GPATCH11: variants seen among roughly 807,000 people sequenced by gnomAD.
The protein encoded by GPATCH11 is G patch domain-containing protein 11.
GPATCH11 carries 32 observed loss-of-function variants against 44.8 expected under a neutral mutation model. The ratio of observed to expected loss-of-function variants is 0.71; its 90% confidence interval spans 0.54 to 0.96. The LOEUF is 0.96. Among genes scored for constraint, GPATCH11 ranks in the 40% least tolerant of loss-of-function variants. The pLI is 0.00. For missense variants in GPATCH11, 324 were observed against 303.1 expected (o/e 1.07, Z -0.51); for synonymous variants, 84 against 94.4 (o/e 0.89, Z 0.64).
At chr2:37,087,106 A>T (rs1227085717) in intron 1 of GPATCH11, among the ~76,000 whole-genome samples, 1 of 152,176 alleles carries the variant, frequency 6.6e-6, no homozygotes, top group African/African-American at 2.4e-5. Context: ...CACCCATAAA[A>T]GACCTTCTTT....
In GPATCH11 at chr2:37,095,332, A is replaced by G. The variant is rs549992357; in HGVS notation, c.655-105A>G. 4.4e-5 allele frequency: 58 copies of G among 1,331,124 alleles called. No individual in the cohort carries two copies. In the African/African-American group the frequency reaches 8.3e-4, roughly 19 times the overall value. The allele number at this position is 1,331,124 out of a possible 1,614,324, so 82.5% of individuals were successfully genotyped here. ...ACATTTCTAATAACTATTCCAGAGT[A>G]TAGCAGAATATTTACAGCCTTGAGC... On this transcript the variant is annotated intron_variant, in intron 7 of 8. Transcript: ENST00000674370.
chr2:37,094,768 A>G (rs1673493319), intron 7 of GPATCH11, among the ~76,000 whole-genome samples: 1 of 152,118 alleles, frequency 6.6e-6, no homozygotes, highest in Non-Finnish European at 1.5e-5. Context: ...ATGGTAGTGT[A>G]TTTTAGTCTC....
At chr2:37,089,477 G>C (rs1330568340) in intron 2 of GPATCH11, among the ~76,000 whole-genome samples, 163 bp from the exon 3 acceptor site, 1 of 151,812 alleles carries the variant, frequency 6.6e-6, no homozygotes, top group Non-Finnish European at 1.5e-5. Context: ...TGAGGCAAGA[G>C]AATCGGTTGA....
chr2:37,089,439 C>T (rs549366312), intron 2 of GPATCH11, among the ~76,000 whole-genome samples: 3 of 152,088 alleles, frequency 2.0e-5, no homozygotes, highest in East Asian at 1.9e-4. Flanking sequence ...TGGTCGTGGG[C>T]GCCTGTAATC....
chr2:37,094,733 G>A (rs544005302), intron 7 of GPATCH11, among the ~76,000 whole-genome samples: 79 of 152,240 alleles, frequency 5.2e-4, no homozygotes, highest in African/African-American at 1.8e-3. Flanking sequence ...CTTGAGGTCA[G>A]GAGTTTAAGA....
rs1176356441 is a variant in GPATCH11, at chr2:37,096,363, A to G, written c.*100A>G. The G allele has an allele frequency of 4.3e-6, 3 of 701,020 alleles. No homozygotes were observed. Among genetic ancestry groups the G allele is most frequent in the African/African-American group, 3.7e-5 (2 of 54,432 alleles). The allele number at this position is 701,020 out of a possible 1,614,324, so 43.4% of individuals were successfully genotyped here. On this transcript the variant is annotated 3_prime_UTR_variant, in exon 9 of 9. Transcript: ENST00000674370. ...CTCAAATTTTTTATGCCAGTAAAGA[A>G]AGGGGGACTTTATATAATGTTTTGT... is the stretch of plus-strand genomic sequence containing the variant.
chr2:37,087,746 A>C (rs1401566829), intron 1 of GPATCH11, among the ~76,000 whole-genome samples: 1 of 152,198 alleles, frequency 6.6e-6, no homozygotes, highest in Non-Finnish European at 1.5e-5. Flanking sequence ...TACTCTGTTC[A>C]GAGGGCAGTG....
chr2:37,093,326 C>A (rs1673422943), intron 6 of GPATCH11, among the ~76,000 whole-genome samples: 1 of 152,062 alleles, frequency 6.6e-6, no homozygotes, highest in Admixed American at 6.5e-5. Context: ...AAGTCCCCAG[C>A]TCTACAAAAA....
rs770747286 is a variant in GPATCH11, at chr2:37,095,516, A to C, written c.734A>C (p.Glu245Ala). 1.3e-6 allele frequency: 2 copies of C among 1,585,770 alleles called. No homozygotes were observed. The highest frequency in any genetic ancestry group is 1.7e-6 in the Non-Finnish European group (2 of 1,170,864). ...TGTATTTGGTGTGGAACAGCCTATG[A>C]AGGTAAGAAAATTACTTTATGCTTT... Reference protein sequence around the residue: ...LYCIWCGTAYEDKEDLSSNCP... With the variant: ...LYCIWCGTAYADKEDLSSNCP... Residue 245 changes from glutamate (E) to alanine (A), a missense_variant and splice_region_variant, in exon 8 of 9, where the codon GAA (glutamate) becomes GCA (alanine). By Grantham distance (107) the Glu-to-Ala change is moderately radical. Transcript: ENST00000674370.
Position 37,097,264 on chromosome 2 carries a change from C to T in GPATCH11, c.*1001C>T, listed in dbSNP as rs1435412883. The T allele has an allele frequency of 2.0e-5, 3 of 152,278 alleles. No individual in the cohort carries two copies. The highest frequency in any genetic ancestry group is 1.3e-4 in the Admixed American group (2 of 15,298). The allele number at this position is 152,278 out of a possible 1,614,324, so 9.4% of individuals were successfully genotyped here. On this transcript the variant is annotated 3_prime_UTR_variant, in exon 9 of 9. Coordinates refer to ENST00000674370, the MANE Select transcript of GPATCH11 (RefSeq NM_174931.4). ...TTAAAACCATTCCATTACTGGGTAG[C>T]TCTGAATTGTTTTCATTGTTTTCTC... is the stretch of plus-strand genomic sequence containing the variant.
rs1673670399 is a variant in GPATCH11 at position 37,097,979 on chromosome 2, TTA to T, written c.*1720_*1721del. 1 of 152,110 alleles carries T rather than the reference TTA, an allele frequency of 6.6e-6. No individual in the cohort carries two copies. The highest frequency in any genetic ancestry group is 2.4e-5 in the African/African-American group (1 of 41,436). 9.4% of individuals were successfully genotyped at this position (152,110 alleles called of 1,614,324 possible). A position where few individuals can be genotyped will look rare whatever the true frequency, so the allele number is the denominator to read the frequency against. On this transcript the variant is annotated 3_prime_UTR_variant, in exon 9 of 9. Coordinates refer to ENST00000674370, the MANE Select transcript of GPATCH11 (RefSeq NM_174931.4). ...GTAAATATGTGTATATATATAATAT[TTA>T]TATGTTTGGATGCTATTGTTTAATA...
At chr2:37,094,449 A>G in intron 7 of GPATCH11, 1 of 272,504 alleles carries the variant, frequency 3.7e-6, no homozygotes, top group Non-Finnish European at 7.0e-6. Flanking sequence ...GGATTACTTT[A>G]CTAACCCCAA....
At chr2:37,087,621 A>G (rs945901413) in intron 1 of GPATCH11, among the ~76,000 whole-genome samples, 1 of 152,238 alleles carries the variant, frequency 6.6e-6, no homozygotes, top group Non-Finnish European at 1.5e-5. Context: ...GTTGTTAACT[A>G]TATCAACTTC....
chr2:37,087,670 G>C (rs1673113603), intron 1 of GPATCH11, among the ~76,000 whole-genome samples: 1 of 146,102 alleles, frequency 6.8e-6, no homozygotes, highest in African/African-American at 2.8e-5. Flanking sequence ...GTAGAGAAAG[G>C]CCTGGAGTGG....
chr2:37,085,533 CTG>C (rs1363981759), intron 1 of GPATCH11, among the ~76,000 whole-genome samples: 1 of 152,068 alleles, frequency 6.6e-6, no homozygotes, highest in Admixed American at 6.5e-5. Context: ...GTAAACTAAA[CTG>C]TAATGTTTAA....
intron 1 of GPATCH11, among the ~76,000 whole-genome samples, chr2:37,086,189 G>A (rs1401292499): frequency 6.6e-6 from 1 of 152,222 alleles, no homozygotes; most frequent in Non-Finnish European, 1.5e-5. Flanking sequence ...CACACAGCAA[G>A]AATGACTGGG....
chr2:37,093,413 T>C (rs1371656829), intron 6 of GPATCH11, among the ~76,000 whole-genome samples: 1 of 152,216 alleles, frequency 6.6e-6, no homozygotes, highest in Non-Finnish European at 1.5e-5. Flanking sequence ...ATGACTTCAT[T>C]TGAAGTCTCA....
rs902074032 is a variant in GPATCH11 at position 37,092,112 on chromosome 2, A to G, written c.450-53A>G. On this transcript the variant is annotated intron_variant, in intron 5 of 8. Coordinates refer to ENST00000674370, the MANE Select transcript of GPATCH11 (RefSeq NM_174931.4). ...ATGTTCTCTGGTACTTGGGCATATA[A>G]AATGGTTAAAGATAACGTAGACCTT... 3 of 1,571,692 alleles carry G rather than the reference A, an allele frequency of 1.9e-6. No homozygotes were observed. In the East Asian group the frequency reaches 6.8e-5, roughly 35 times the overall value.
chr2:37,087,869 G>A (rs997099872), intron 1 of GPATCH11, among the ~76,000 whole-genome samples: 2 of 152,200 alleles, frequency 1.3e-5, no homozygotes, highest in Non-Finnish European at 2.9e-5. Context: ...ACAGGGTCAG[G>A]TTTAATGAAG....
Sources: allele counts gnomAD v4.1 joint callset (sites outside exome capture counted in the v4.1 genomes callset), GRCh38; gene constraint gnomAD v4.1.1; transcripts MANE v1.5; gene names NCBI Gene and HGNC (gene_info 2026-07-23, HGNC 2026-07-21).